The following DHRSX variants were observed in gnomAD, a reference collection of about 807,000 sequenced individuals.
DHRSX encodes the protein polyprenol dehydrogenase.
In DHRSX, 31 loss-of-function variants were observed where a neutral mutation model predicts 34.0. The observed-to-expected ratio is 0.91, with a 90% confidence interval of 0.69 to 1.23. The LOEUF (loss-of-function observed/expected upper bound fraction) is 1.23, where lower values mean the gene tolerates loss of function less well. Among genes scored for constraint, DHRSX ranks in the 50% most tolerant of loss-of-function variants. The probability of loss-of-function intolerance (pLI) is 0.00; values close to 1 mark genes in which losing one functional copy is unlikely to be tolerated. For synonymous variants in DHRSX, 201 were observed against 183.8 expected (o/e 1.09, Z -0.76); for missense variants, 414 against 428.1 (o/e 0.97, Z 0.29).
At chrX:2,468,426 A>G (rs967705108) in intron 1 of DHRSX, among the ~76,000 whole-genome samples, 1 of 152,188 alleles carries the variant, frequency 6.6e-6, no homozygotes, top group African/African-American at 2.4e-5. Flanking sequence ...CGGATACCAC[A>G]TAAGAGTCAG....
chrX:2,293,963 T>C (rs944504306), intron 3 of DHRSX, among the ~76,000 whole-genome samples: 2 of 151,124 alleles, frequency 1.3e-5, no homozygotes, highest in African/African-American at 4.9e-5. Context: ...TCATCATCAT[T>C]CCAAAACGAA....
Position 2,411,523 on chromosome X carries a change from C to A in DHRSX, c.218-2710G>T, listed in dbSNP as rs1378905635. On this transcript the variant is annotated intron_variant, in intron 2 of 6. Transcript: ENST00000334651. ...TGAACTGAGATCACACCACTGCACT[C>A]CAGCCTGGGCGACAGAGCCCAACTC... Among the ~76,000 whole-genome samples, 7 of 147,504 alleles carry A rather than the reference C, an allele frequency of 4.7e-5. No homozygotes were observed. The East Asian group carries it at 1.2e-3, about 25-fold the overall frequency.
At position 2,489,093 on chromosome X, in the gene DHRSX, C is replaced by T. The variant is rs371242849; in HGVS notation, c.109+11724G>A. 177 of 1,613,608 alleles carry T rather than the reference C, an allele frequency of 1.1e-4. 1 individual carries two copies. Among genetic ancestry groups the T allele is most frequent in the East Asian group, 8.9e-5 (4 of 44,894 alleles). Reference sequence around the variant, plus strand: ...ATCTCGGCCAGCATGTTGTTGATGACGCTGGCGGGCGGCGGCGTGGATGTC... The same window carrying T: ...ATCTCGGCCAGCATGTTGTTGATGATGCTGGCGGGCGGCGGCGTGGATGTC... On this transcript the variant is annotated intron_variant, in intron 1 of 6. Coordinates refer to ENST00000334651, the MANE Select transcript of DHRSX (RefSeq NM_145177.3).
chrX:2,368,500 AAAC>A (rs2043020384), intron 3 of DHRSX, among the ~76,000 whole-genome samples: 1 of 152,118 alleles, frequency 6.6e-6, no homozygotes, highest in Non-Finnish European at 1.5e-5. Flanking sequence ...AACAATTGCT[AAAC>A]AACAAAAAAC....
chrX:2,421,226 A>G (rs1354221694), intron 2 of DHRSX, among the ~76,000 whole-genome samples: 1 of 152,006 alleles, frequency 6.6e-6, no homozygotes, highest in Non-Finnish European at 1.5e-5. Flanking sequence ...TAAAACTACA[A>G]AAAATTATCC....
intron 3 of DHRSX, among the ~76,000 whole-genome samples, chrX:2,309,826 C>A (rs1288467586): frequency 6.6e-6 from 1 of 152,094 alleles, no homozygotes; most frequent in Non-Finnish European, 1.5e-5. Context: ...GGTGGCAGGA[C>A]TGCTTGAGCA....
chrX:2,318,324 T>G (rs2042265335), intron 3 of DHRSX, among the ~76,000 whole-genome samples: 1 of 150,608 alleles, frequency 6.6e-6, no homozygotes, highest in Admixed American at 6.7e-5. Context: ...CACTCCAGCC[T>G]GGGCAACACA....
intron 1 of DHRSX, among the ~76,000 whole-genome samples, chrX:2,462,936 TG>T (rs1469280386): frequency 6.6e-6 from 1 of 152,030 alleles, no homozygotes; most frequent in Non-Finnish European, 1.5e-5. Flanking sequence ...TGTCAGGAGG[TG>T]GGAGACTTGG....
At chrX:2,447,429 C>T (rs1216201241) in intron 1 of DHRSX, among the ~76,000 whole-genome samples, 1 of 152,120 alleles carries the variant, frequency 6.6e-6, no homozygotes, top group African/African-American at 2.4e-5. Context: ...ACCAAGGGAC[C>T]GCCACCTTGT....
At chrX:2,352,030 G>A (rs1390309875) in intron 3 of DHRSX, among the ~76,000 whole-genome samples, 3 of 151,964 alleles carry the variant, frequency 2.0e-5, no homozygotes, top group African/African-American at 7.2e-5. Context: ...TGGAACATTT[G>A]TTGTTTCAAT....
intron 4 of DHRSX, among the ~76,000 whole-genome samples, chrX:2,283,217 G>A (rs2041752976): frequency 6.6e-6 from 1 of 151,960 alleles, no homozygotes; most frequent in Non-Finnish European, 1.5e-5. Context: ...TCTCTGGCAG[G>A]GAACAGCCTG....
rs2043830103 is a variant in DHRSX, at chrX:2,425,290, G to A, written c.124C>T (p.Pro42Ser). ...GFLEPVFPPR[P>S]DRVAIVTGGT... is the part of the protein sequence containing the mutation. ...CCCGTCACTATAGCGACACGGTCAG[G>A]TCGTGGGGGGAAAACTGAAAAAGAA... Residue 42 changes from proline (P) to serine (S), a missense_variant, in exon 2 of 7, where the codon CCT becomes TCT. By Grantham distance (74) the Pro-to-Ser change is moderately conservative (BLOSUM62 -1). Coordinates refer to ENST00000334651, the MANE Select transcript of DHRSX (RefSeq NM_145177.3). 6.2e-7 allele frequency: 1 copy of A among 1,613,342 alleles called. No individual in the cohort carries two copies. The highest frequency in any genetic ancestry group is 1.7e-5 in the Admixed American group (1 of 59,908).
rs183611002 is a variant in DHRSX at position 2,221,038 on chromosome X, A to T, written c.*3T>A. On this transcript the variant is annotated 3_prime_UTR_variant, in exon 7 of 7. Transcript: ENST00000334651. The stretch of plus-strand genomic sequence containing the variant: ...GGGGCAGCAGCTATCCTGAGACAGG[A>T]TATCACAGGGTCACATCAAGGACCC... The T allele has an allele frequency of 7.4e-4, 1,201 of 1,613,522 alleles. 17 individuals carry two copies. In the South Asian group the frequency reaches 8.6e-3, roughly 11 times the overall value.
At chrX:2,376,856 C>T (rs190094283) in intron 3 of DHRSX, among the ~76,000 whole-genome samples, 47 of 151,954 alleles carry the variant, frequency 3.1e-4, no homozygotes, top group African/African-American at 9.9e-4. Flanking sequence ...TAGCCGGGCA[C>T]GGTGGTGCAC....
At chrX:2,346,808 C>T (rs368261874) in intron 3 of DHRSX, among the ~76,000 whole-genome samples, 185 of 152,022 alleles carry the variant, frequency 1.2e-3, no homozygotes, top group African/African-American at 4.3e-3. Flanking sequence ...CAGTCCCCTA[C>T]TCCCCGACAG....
chrX:2,277,497 G>A (rs2041686079), intron 4 of DHRSX, among the ~76,000 whole-genome samples: 1 of 39,800 alleles, frequency 2.5e-5, no homozygotes. Flanking sequence ...GAGAGAGAAG[G>A]AAGAGGAGGA....
At chrX:2,291,180 G>A (rs1045419060) in intron 4 of DHRSX, among the ~76,000 whole-genome samples, 12 of 152,296 alleles carry the variant, frequency 7.9e-5, no homozygotes, top group Non-Finnish European at 1.8e-4. Flanking sequence ...GGGGAATGTG[G>A]TGATGGTTTT....
intron 3 of DHRSX, among the ~76,000 whole-genome samples, chrX:2,386,410 G>C (rs186749902): frequency 6.6e-6 from 1 of 151,990 alleles, no homozygotes; most frequent in Admixed American, 6.6e-5. Flanking sequence ...GTAGAGACAG[G>C]GTTTTACCAT....
At chrX:2,397,266 C>T (rs2043423643) in intron 3 of DHRSX, among the ~76,000 whole-genome samples, 2 of 152,148 alleles carry the variant, frequency 1.3e-5, no homozygotes, top group Admixed American at 1.3e-4. Flanking sequence ...TCCCGAGTAG[C>T]TGGGACCACA....
Sources: gnomAD v4.1 joint callset for allele counts (sites outside exome capture counted in the v4.1 genomes callset) on GRCh38, gnomAD v4.1.1 for gene constraint, MANE v1.5 for transcripts, NCBI Gene and HGNC (gene_info 2026-07-23, HGNC 2026-07-21) for gene names.